MYRFL: variants seen among roughly 807,000 people sequenced by gnomAD.
The protein encoded by MYRFL is myelin regulatory factor like.
In MYRFL, 88 loss-of-function variants were observed where a neutral mutation model predicts 109.4. The ratio of observed to expected loss-of-function variants is 0.80; its 90% CI spans 0.68 to 0.96. The LOEUF (loss-of-function observed/expected upper bound fraction) is 0.96. Ranked by LOEUF, MYRFL falls within the 40% of genes least tolerant of loss-of-function variation. The probability of loss-of-function intolerance (pLI) is 0.00; values close to 1 mark genes in which losing one functional copy is unlikely to be tolerated. For synonymous variants in MYRFL, 324 were observed against 320.9 expected (o/e 1.01, Z -0.10); for missense variants, 957 against 954.9 (o/e 1.00, Z -0.03).
chr12:69,860,493 A>G (rs1398455480), intron 2 of MYRFL, among the ~76,000 whole-genome samples: 1 of 152,092 alleles, frequency 6.6e-6, no homozygotes, highest in Non-Finnish European at 1.5e-5. Flanking sequence ...TCAGCGTATC[A>G]TTGGGTATTT....
intron 2 of MYRFL, among the ~76,000 whole-genome samples, chr12:69,870,176 TCGGCTCACTGCAACC>T: frequency 7.4e-6 from 1 of 135,750 alleles, no homozygotes; most frequent in Non-Finnish European, 1.5e-5. Flanking sequence ...TGTTGAGATC[TCGGCTCACTGCAACC>T]TCTGCCTCCT....
At chr12:69,888,417 C>A (rs1292346767) in intron 6 of MYRFL, among the ~76,000 whole-genome samples, 3 of 152,062 alleles carry the variant, frequency 2.0e-5, no homozygotes, top group African/African-American at 7.2e-5. Flanking sequence ...CTTAAGTAAC[C>A]TAAAAACAGT....
intron 1 of MYRFL, among the ~76,000 whole-genome samples, chr12:69,854,120 A>G (rs1051472255): frequency 2.0e-5 from 3 of 152,336 alleles, no homozygotes; most frequent in Admixed American, 1.3e-4. Context: ...CGAGGCGGGC[A>G]GATCACTCGC....
At chr12:69,833,447 G>A (rs1167969609) in intron 1 of MYRFL, among the ~76,000 whole-genome samples, 2 of 152,202 alleles carry the variant, frequency 1.3e-5, no homozygotes, top group Non-Finnish European at 2.9e-5. Flanking sequence ...CAGTCAGTGG[G>A]TCGAAGACAG....
intron 16 of MYRFL, among the ~76,000 whole-genome samples, chr12:69,935,306 A>G (rs538383570): frequency 1.9e-3 from 294 of 152,126 alleles, no homozygotes; most frequent in African/African-American, 6.6e-3. Context: ...AAGTCAAGTC[A>G]GGTAACTCTT....
Position 69,958,741 on chromosome 12 carries a change from A to C in MYRFL, c.*210A>C, listed in dbSNP as rs7976470. The C allele has an allele frequency of 2.3e-3, 1,154 of 509,404 alleles. 20 individuals carry two copies. The highest frequency in any genetic ancestry group is 0.02 in the African/African-American group (1,012 of 50,574). The allele number at this position is 509,404 out of a possible 1,614,324, so 31.6% of individuals were successfully genotyped here. A position where few individuals can be genotyped will look rare whatever the true frequency, so the allele number is the denominator to read the frequency against. On this transcript the variant is annotated 3_prime_UTR_variant, in exon 25 of 25. Coordinates refer to ENST00000552032, the MANE Select transcript of MYRFL (RefSeq NM_182530.3). ...GAAACTTGAAATAATGTGATGTTTG[A>C]TTTTGCCATGACTATGAAGAAAACA...
intron 11 of MYRFL, 57 bp downstream of exon 11, chr12:69,903,901 G>A: frequency 6.9e-7 from 1 of 1,447,112 alleles, no homozygotes; most frequent in South Asian, 1.4e-5. Context: ...AGGTTTGCTG[G>A]GTGCTCCTGG....
At chr12:69,881,682 C>T (rs1886124944) in intron 5 of MYRFL, among the ~76,000 whole-genome samples, 1 of 152,204 alleles carries the variant, frequency 6.6e-6, no homozygotes, top group African/African-American at 2.4e-5. Flanking sequence ...ATCTATCCCT[C>T]ATATCAACTA....
intron 8 of MYRFL, among the ~76,000 whole-genome samples, chr12:69,894,159 GCTAAT>G (rs1051184729): frequency 2.6e-5 from 4 of 151,730 alleles, no homozygotes; most frequent in Non-Finnish European, 5.9e-5. Context: ...ACCATGCCTG[GCTAAT>G]TTTTTGTATC....
chr12:69,899,560 C>T (rs574305504), intron 10 of MYRFL, among the ~76,000 whole-genome samples: 1 of 152,340 alleles, frequency 6.6e-6, no homozygotes, highest in Non-Finnish European at 1.5e-5. Context: ...GCCCTGACTA[C>T]ATTAAATGGA....
chr12:69,840,623 T>C (rs7963055), intron 1 of MYRFL, among the ~76,000 whole-genome samples: 16,409 of 152,310 alleles, frequency 0.11, 1,216 homozygotes, highest in Middle Eastern at 0.18. Context: ...TAATTTTGAA[T>C]GAATAAGTTC....
intron 13 of MYRFL, among the ~76,000 whole-genome samples, chr12:69,919,229 A>T (rs1152971): frequency 0.86 from 131,137 of 152,218 alleles, 56,931 homozygotes; most frequent in East Asian, 0.96. Context: ...AGGAGCTTGT[A>T]AATCATCTTG....
chr12:69,897,312 T>C, intron 10 of MYRFL, 66 bp downstream of exon 10: 1 of 1,120,792 alleles, frequency 8.9e-7, no homozygotes, highest in Non-Finnish European at 1.3e-6. Context: ...AGAATTTGAA[T>C]TTTCAATGGT....
chr12:69,826,950 A>G (rs966129744), intron 1 of MYRFL, among the ~76,000 whole-genome samples: 2 of 152,026 alleles, frequency 1.3e-5, no homozygotes, highest in African/African-American at 4.8e-5. Context: ...ACATTTTAAT[A>G]ATTTCCTTTC....
intron 13 of MYRFL, among the ~76,000 whole-genome samples, chr12:69,920,170 G>C (rs763904244): frequency 6.6e-6 from 1 of 152,098 alleles, no homozygotes. Flanking sequence ...CTCGCAAAGA[G>C]GACAGGACCT....
chr12:69,847,756 T>G (rs1463253577), intron 1 of MYRFL, among the ~76,000 whole-genome samples: 1 of 152,212 alleles, frequency 6.6e-6, no homozygotes, highest in East Asian at 1.9e-4. Context: ...ATGAACCTTT[T>G]CTAGTAAGAT....
intron 22 of MYRFL, among the ~76,000 whole-genome samples, chr12:69,956,965 C>T (rs1263176587): frequency 6.6e-6 from 1 of 152,170 alleles, no homozygotes; most frequent in Non-Finnish European, 1.5e-5. Flanking sequence ...CCTGAAGTGG[C>T]AGATCACCTT....
chr12:69,904,736 G>C (rs1566014366), intron 11 of MYRFL, among the ~76,000 whole-genome samples: 1 of 152,122 alleles, frequency 6.6e-6, no homozygotes, highest in Non-Finnish European at 1.5e-5. Flanking sequence ...CCCATGCATT[G>C]CTTCTACCAC....
intron 5 of MYRFL, among the ~76,000 whole-genome samples, chr12:69,881,230 A>G (rs1041497734): frequency 2.6e-5 from 4 of 152,092 alleles, no homozygotes; most frequent in African/African-American, 9.7e-5. Flanking sequence ...TCAGCCTCCC[A>G]AAGTCTTTGG....
Sources: gnomAD v4.1 joint callset for allele counts (sites outside exome capture counted in the v4.1 genomes callset) on GRCh38, gnomAD v4.1.1 for gene constraint, MANE v1.5 for transcripts, NCBI Gene and HGNC (gene_info 2026-07-23, HGNC 2026-07-21) for gene names.